Variants in PRORP observed in about 807,000 individuals in gnomAD.
The protein encoded by PRORP is mitochondrial ribonuclease P catalytic subunit.
In PRORP, 51 loss-of-function variants were observed where a neutral mutation model predicts 59.4. The ratio of observed to expected loss-of-function variants is 0.86; its 90% CI spans 0.69 to 1.08. The LOEUF is 1.08. Ranked by LOEUF, PRORP falls within the 50% of genes least tolerant of loss-of-function variation. PRORP has a pLI of 0.00. For missense variants in PRORP, 646 were observed against 690.3 expected (o/e 0.94, Z 0.72); for synonymous variants, 231 against 245.6 (o/e 0.94, Z 0.55).
At chr14:35,130,087 G>A (rs1421022327) in intron 4 of PRORP, among the ~76,000 whole-genome samples, 1 of 148,040 alleles carries the variant, frequency 6.8e-6, no homozygotes, top group Non-Finnish European at 1.5e-5. Flanking sequence ...CTGGGGTGCA[G>A]TGGCACAATC....
intron 5 of PRORP, among the ~76,000 whole-genome samples, chr14:35,231,509 C>T (rs1447691658): frequency 6.6e-6 from 1 of 152,122 alleles, no homozygotes; most frequent in Non-Finnish European, 1.5e-5. Context: ...GGAAATTATA[C>T]ATGAGCTATG....
intron 5 of PRORP, 24 bp from the exon 6 acceptor site, chr14:35,266,703 T>C: frequency 6.2e-7 from 1 of 1,610,646 alleles, no homozygotes; most frequent in Non-Finnish European, 8.5e-7. Flanking sequence ...TGAACTTTTG[T>C]GGTTCTGGCT....
At chr14:35,257,741 C>T (rs1190906497) in intron 5 of PRORP, among the ~76,000 whole-genome samples, 1 of 152,146 alleles carries the variant, frequency 6.6e-6, no homozygotes, top group African/African-American at 2.4e-5. Context: ...TTTCTGAAGA[C>T]ATCAGATCCC....
chr14:35,247,533 A>G (rs1429513308), intron 5 of PRORP, among the ~76,000 whole-genome samples: 2 of 152,016 alleles, frequency 1.3e-5, no homozygotes, highest in South Asian at 2.1e-4. Context: ...AAGCTTCTGA[A>G]CTCCCCACTC....
At chr14:35,168,055 GA>G (rs2048228677) in intron 4 of PRORP, among the ~76,000 whole-genome samples, 1 of 152,130 alleles carries the variant, frequency 6.6e-6, no homozygotes, top group South Asian at 2.1e-4. Flanking sequence ...TGGCAATTAG[GA>G]ATAAAGCCAC....
chr14:35,218,762 G>A (rs1424540229), intron 5 of PRORP, among the ~76,000 whole-genome samples: 2 of 151,948 alleles, frequency 1.3e-5, no homozygotes, highest in Admixed American at 1.3e-4. Flanking sequence ...CTGACCTCAA[G>A]TGATCCGCCC....
At chr14:35,169,021 T>C (rs1164477330) in intron 4 of PRORP, among the ~76,000 whole-genome samples, 1 of 152,072 alleles carries the variant, frequency 6.6e-6, no homozygotes, top group Non-Finnish European at 1.5e-5. Flanking sequence ...TCTTTGAAAT[T>C]TAATTTGCTC....
intron 4 of PRORP, among the ~76,000 whole-genome samples, chr14:35,151,934 CTTTTTTTT>C (rs11342103): frequency 8.0e-6 from 1 of 124,838 alleles, no homozygotes; most frequent in African/African-American, 3.0e-5. Context: ...GTTAATCCAT[CTTTTTTTT>C]TTTTTTTTTA....
intron 5 of PRORP, chr14:35,235,030 A>G: frequency 2.7e-6 from 1 of 368,406 alleles, no homozygotes; most frequent in Non-Finnish European, 5.2e-6. Flanking sequence ...CTGCAACTTA[A>G]GATACATCTT....
chr14:35,258,156 G>GT (rs1434623732), intron 5 of PRORP, among the ~76,000 whole-genome samples: 1 of 152,030 alleles, frequency 6.6e-6, no homozygotes, highest in African/African-American at 2.4e-5. Context: ...TCTGAAATAT[G>GT]TTTGTTTGTT....
chr14:35,162,961 CTT>C, intron 4 of PRORP, among the ~76,000 whole-genome samples: 1 of 152,102 alleles, frequency 6.6e-6, no homozygotes, highest in Non-Finnish European at 1.5e-5. Context: ...ATTTAGGTCT[CTT>C]TTTGGACTTT....
At chr14:35,125,518 A>G (rs938149288) in intron 2 of PRORP, among the ~76,000 whole-genome samples, 6 of 152,114 alleles carry the variant, frequency 3.9e-5, no homozygotes, top group African/African-American at 1.4e-4. Context: ...CACCATGCTT[A>G]GTCATTATTT....
At chr14:35,151,978 A>ACCC (rs1361565605) in intron 4 of PRORP, among the ~76,000 whole-genome samples, 1 of 135,132 alleles carries the variant, frequency 7.4e-6, no homozygotes, top group African/African-American at 2.8e-5. Flanking sequence ...TGTTTCTCGC[A>ACCC]GAGGGGGATT....
intron 5 of PRORP, among the ~76,000 whole-genome samples, chr14:35,246,316 A>C (rs2050482858): frequency 6.6e-6 from 1 of 152,124 alleles, no homozygotes; most frequent in Non-Finnish European, 1.5e-5. Flanking sequence ...CTCTCTCTCT[A>C]AACTCAAATA....
chr14:35,169,838 G>A (rs947639664), intron 4 of PRORP, among the ~76,000 whole-genome samples: 1 of 152,236 alleles, frequency 6.6e-6, no homozygotes, highest in Admixed American at 6.5e-5. Context: ...GTTGGGCATA[G>A]TGTCCTACAG....
At chr14:35,251,016 C>G (rs2050598756) in intron 5 of PRORP, among the ~76,000 whole-genome samples, 1 of 152,076 alleles carries the variant, frequency 6.6e-6, no homozygotes, top group Admixed American at 6.6e-5. Context: ...TATCCCTTAC[C>G]CCTTCCCACT....
intron 4 of PRORP, among the ~76,000 whole-genome samples, chr14:35,152,822 C>T (rs1468438477): frequency 6.6e-6 from 1 of 151,018 alleles, no homozygotes; most frequent in African/African-American, 2.4e-5. Context: ...CTCCCCACAT[C>T]TCAGACGGTG....
At chr14:35,197,065 A>T (rs1398941142) in intron 5 of PRORP, among the ~76,000 whole-genome samples, 1 of 152,192 alleles carries the variant, frequency 6.6e-6, no homozygotes, top group African/African-American at 2.4e-5. Context: ...AAGTCAAGTG[A>T]TCCAGTGTCT....
At position 35,208,110 on chromosome 14, in the gene PRORP, A is replaced by G. The variant is rs573856051; in HGVS notation, c.1275+27333A>G. On this transcript the variant is annotated intron_variant, in intron 5 of 7. Coordinates refer to ENST00000534898, the MANE Select transcript of PRORP (RefSeq NM_014672.4). Reference sequence around the variant, plus strand: ...GGTTGCAGTGAGCCGAGATCGTGCTACTGCACTCCAGCCTGGGCAAAAGAG... The same window carrying G: ...GGTTGCAGTGAGCCGAGATCGTGCTGCTGCACTCCAGCCTGGGCAAAAGAG... Among the ~76,000 whole-genome samples the G allele has an allele frequency of 3.9e-5, 6 of 151,960 alleles. No homozygotes were observed. In the East Asian group the frequency reaches 9.7e-4, roughly 25 times the overall value.
Sources: gnomAD v4.1 joint callset for allele counts (sites outside exome capture counted in the v4.1 genomes callset) on GRCh38, gnomAD v4.1.1 for gene constraint, MANE v1.5 for transcripts, NCBI Gene and HGNC (gene_info 2026-07-23, HGNC 2026-07-21) for gene names.